Variants in IL23R observed in about 807,000 individuals in gnomAD.
The protein encoded by IL23R is interleukin 23 receptor.
IL23R carries 34 observed loss-of-function variants against 56.9 expected under a neutral mutation model. That is an observed-to-expected ratio of 0.60 (90% CI 0.45 to 0.80). The LOEUF is 0.80. IL23R is among the 30% of genes least tolerant of loss of function. IL23R has a pLI of 0.00. For synonymous variants in IL23R, 230 were observed against 249.2 expected, an observed-to-expected ratio of 0.92 and a Z score of 0.73; for missense variants, 635 against 730.0, an observed-to-expected ratio of 0.87 and a Z score of 1.50.
chr1:67,219,915 A>T (rs11465802), intron 7 of IL23R, among the ~76,000 whole-genome samples, 185 bp downstream of exon 7: 2 of 151,842 alleles, frequency 1.3e-5, no homozygotes, highest in Middle Eastern at 3.2e-3. Flanking sequence ...GAAAAATAAT[A>T]ATTATTATTA....
chr1:67,247,071 C>T (rs1293127957), intron 9 of IL23R, among the ~76,000 whole-genome samples: 1 of 151,810 alleles, frequency 6.6e-6, no homozygotes, highest in South Asian at 2.1e-4. Context: ...ATGTAATGCC[C>T]TTCTTTGTCT....
At chr1:67,157,038 G>A (rs890460951) in intron 1 of IL23R, among the ~76,000 whole-genome samples, 1 of 152,146 alleles carries the variant, frequency 6.6e-6, no homozygotes, top group African/African-American at 2.4e-5. Context: ...GCTTCACTTG[G>A]CTGGAGGAGG....
At chr1:67,168,947 G>T (rs1429281495) in intron 2 of IL23R, among the ~76,000 whole-genome samples, 1 of 151,990 alleles carries the variant, frequency 6.6e-6, no homozygotes, top group African/African-American at 2.4e-5. Context: ...ATCACCTGAG[G>T]TCAGGAGTTC....
At chr1:67,155,218 T>G (rs1364769551) in intron 1 of IL23R, among the ~76,000 whole-genome samples, 1 of 152,146 alleles carries the variant, frequency 6.6e-6, no homozygotes, top group African/African-American at 2.4e-5. Context: ...TGGCTGCCCT[T>G]AACAGTTTTT....
At chr1:67,243,899 T>C (rs1652022527) in intron 9 of IL23R, among the ~76,000 whole-genome samples, 2 of 152,316 alleles carry the variant, frequency 1.3e-5, no homozygotes, top group Admixed American at 1.3e-4. Context: ...TCTTCCACAA[T>C]GGTTGAACTC....
At chr1:67,168,657 C>A (rs1417646578) in intron 2 of IL23R, among the ~76,000 whole-genome samples, 1 of 152,070 alleles carries the variant, frequency 6.6e-6, no homozygotes, top group Admixed American at 6.5e-5. Context: ...TAAAAAAGAA[C>A]AAAAGATTGG....
chr1:67,144,157 A>T (rs1204939825), intron 1 of IL23R, among the ~76,000 whole-genome samples: 2 of 152,184 alleles, frequency 1.3e-5, no homozygotes, highest in Non-Finnish European at 2.9e-5. Flanking sequence ...TTTCAGAATG[A>T]TTCTTTCTTT....
chr1:67,175,990 T>C (rs1647002906), intron 3 of IL23R, among the ~76,000 whole-genome samples: 1 of 152,138 alleles, frequency 6.6e-6, no homozygotes, highest in East Asian at 1.9e-4. Flanking sequence ...CACACCCAGC[T>C]TTAAAACAGA....
At chr1:67,231,481 A>G (rs1224310197) in intron 7 of IL23R, among the ~76,000 whole-genome samples, 1 of 152,016 alleles carries the variant, frequency 6.6e-6, no homozygotes, top group Non-Finnish European at 1.5e-5. Flanking sequence ...TAATTTTACA[A>G]ATGAAGAAAC....
At chr1:67,225,675 T>G (rs1475485801) in intron 7 of IL23R, among the ~76,000 whole-genome samples, 1 of 152,072 alleles carries the variant, frequency 6.6e-6, no homozygotes, top group Non-Finnish European at 1.5e-5. Context: ...CCTGGCTATT[T>G]TTTTTTGCAT....
At chr1:67,265,114 A>C in the IL23R span, among the ~76,000 whole-genome samples, 4 of 152,240 alleles carry the variant, frequency 2.6e-5, no homozygotes, top group Admixed American at 2.6e-4. Context: ...ACTGGAACAC[A>C]AGTGTGAGGT....
chr1:67,190,631 TTCAAG>T (rs1647672591), intron 4 of IL23R, among the ~76,000 whole-genome samples: 1 of 152,198 alleles, frequency 6.6e-6, no homozygotes, highest in African/African-American at 2.4e-5. Flanking sequence ...TTCTGTTCCA[TTCAAG>T]TCATCTTAGC....
chr1:67,205,946 T>TCTTTTTTTCTCTTA (rs1649017757), intron 5 of IL23R, among the ~76,000 whole-genome samples: 1 of 150,688 alleles, frequency 6.6e-6, no homozygotes, highest in African/African-American at 2.5e-5. Context: ...TCTTTCTCTT[T>TCTTTTTTTCTCTTA]TTTTTTCTTT....
chr1:67,185,570 T>C (rs1415623387), intron 4 of IL23R, among the ~76,000 whole-genome samples: 2 of 152,104 alleles, frequency 1.3e-5, no homozygotes, highest in Non-Finnish European at 2.9e-5. Flanking sequence ...CCAAGCCTGA[T>C]CTCTATGGAA....
chr1:67,216,679 T>A (rs1417609467), intron 6 of IL23R, among the ~76,000 whole-genome samples: 1 of 152,192 alleles, frequency 6.6e-6, no homozygotes, highest in Non-Finnish European at 1.5e-5. Context: ...AATAGTCTTT[T>A]TTTAAAAAAA....
chr1:67,194,156 A>G (rs1171313020), intron 4 of IL23R, among the ~76,000 whole-genome samples: 1 of 152,218 alleles, frequency 6.6e-6, no homozygotes, highest in Non-Finnish European at 1.5e-5. Flanking sequence ...AGATATCTGG[A>G]AGCTCCCTGA....
downstream of IL23R, among the ~76,000 whole-genome samples, chr1:67,261,854 C>T (rs984717475): frequency 2.0e-5 from 3 of 152,228 alleles, no homozygotes; most frequent in African/African-American, 7.2e-5. Context: ...GTTTCCACTG[C>T]AGCGAGTGCC....
At chr1:67,159,845 G>A (rs1308474082) in intron 1 of IL23R, among the ~76,000 whole-genome samples, 1 of 152,164 alleles carries the variant, frequency 6.6e-6, no homozygotes, top group Non-Finnish European at 1.5e-5. Context: ...TGAGGCTAAA[G>A]CAGGTAGAGC....
upstream of IL23R, chr1:67,166,323 G>A (rs572214044): frequency 6.6e-6 from 1 of 152,440 alleles, no homozygotes; most frequent in East Asian, 1.9e-4. Flanking sequence ...TCCCCAAATA[G>A]TGACACGAGA....
Sources: gnomAD v4.1 joint callset for allele counts (sites outside exome capture counted in the v4.1 genomes callset) on GRCh38, gnomAD v4.1.1 for gene constraint, MANE v1.5 for transcripts, NCBI Gene and HGNC (gene_info 2026-07-23, HGNC 2026-07-21) for gene names.